RBM19: variants seen among roughly 807,000 people sequenced by gnomAD.
RBM19 encodes the protein probable RNA-binding protein 19.
Under a neutral mutation model 116.8 loss-of-function variants are expected in RBM19, and 94 were observed. That is an observed-to-expected ratio of 0.80 (90% CI 0.68 to 0.95). RBM19 has a LOEUF of 0.95. RBM19 is among the 40% of genes least tolerant of loss of function. The pLI is 0.00. For synonymous variants in RBM19, 475 were observed against 494.1 expected, an observed-to-expected ratio of 0.96 and a Z score of 0.51; for missense variants, 1,161 against 1,220.7, an observed-to-expected ratio of 0.95 and a Z score of 0.73.
intron 5 of RBM19, among the ~76,000 whole-genome samples, chr12:113,958,566 C>G (rs1294315524): frequency 2.0e-5 from 3 of 152,190 alleles, no homozygotes; most frequent in African/African-American, 7.2e-5. Flanking sequence ...TCTCCCCTCC[C>G]CTACCGTGTC....
chr12:113,826,574 G>A (rs937558094), intron 23 of RBM19, among the ~76,000 whole-genome samples: 2 of 152,210 alleles, frequency 1.3e-5, no homozygotes, highest in African/African-American at 4.8e-5. Context: ...GGTCGGGCAT[G>A]GTGGGGAACA....
chr12:113,858,685 G>A, intron 22 of RBM19, 106 bp downstream of exon 22: 1 of 1,036,864 alleles, frequency 9.6e-7, no homozygotes, highest in Non-Finnish European at 1.5e-6. Flanking sequence ...AAGAACACCT[G>A]CATGGGGAGG....
At chr12:113,926,611 C>T (rs909303351) in intron 17 of RBM19, among the ~76,000 whole-genome samples, 40 of 152,124 alleles carry the variant, frequency 2.6e-4, no homozygotes, top group African/African-American at 2.7e-4. Flanking sequence ...CTTTCATCCC[C>T]TTCCCTTTTC....
intron 6 of RBM19, 41 bp from the exon 7 acceptor site, chr12:113,955,252 C>A (rs751692324): frequency 1.3e-6 from 2 of 1,580,906 alleles, no homozygotes; most frequent in Non-Finnish European, 1.7e-6. Flanking sequence ...CCACACTAAC[C>A]CTTCGTACAG....
intron 23 of RBM19, among the ~76,000 whole-genome samples, chr12:113,837,233 C>T (rs969144257): frequency 7.9e-5 from 8 of 101,334 alleles, no homozygotes; most frequent in African/African-American, 2.8e-4. Context: ...AGGCTTATAA[C>T]CCATCCTCCT....
rs370284351 is a variant in RBM19, at chr12:113,959,758, A to G, written c.378+107T>C. The G allele has an allele frequency of 3.4e-4, 460 of 1,344,444 alleles. 2 individuals are homozygous for G. The highest frequency in any genetic ancestry group is 3.2e-3 in the Middle Eastern group (14 of 4,440). 83.3% of individuals were successfully genotyped at this position (1,344,444 alleles called of 1,614,324 possible). A position where few individuals can be genotyped will look rare whatever the true frequency, so the allele number is the denominator to read the frequency against. Reference sequence around the variant, plus strand: ...CTAGCCTCCACCCTCTCCAGCCTCTACGGTCTCCTAGCCTCCACCCTCTCC... The same window carrying G: ...CTAGCCTCCACCCTCTCCAGCCTCTGCGGTCTCCTAGCCTCCACCCTCTCC... On this transcript the variant is annotated intron_variant, in intron 4 of 23. Coordinates refer to ENST00000261741, the MANE Select transcript of RBM19 (RefSeq NM_016196.4).
chr12:113,828,903 G>A (rs559906252), intron 23 of RBM19, among the ~76,000 whole-genome samples: 7 of 152,284 alleles, frequency 4.6e-5, no homozygotes, highest in Admixed American at 1.3e-4. Flanking sequence ...CACACATCAG[G>A]TACGCACAGA....
In RBM19 at chr12:113,948,875, T is replaced by C. The variant is rs1871255675; in HGVS notation, c.1234A>G (p.Thr412Ala). Residue 412 changes from threonine to alanine, a missense_variant, in exon 10 of 24, where the codon ACC (threonine) becomes GCC (alanine). Thr to Ala is a moderately conservative substitution (Grantham distance 58). Transcript: ENST00000261741. ...TTCTCCAGATCCTCCTCGGTGCTGG[T>C]GTAGGGCAGGTTCCGTACAAAGAGC... ...GRLFVRNLPYTSTEEDLEKLF... is the reference protein window; with the variant it reads ...GRLFVRNLPYASTEEDLEKLF... 3.1e-6 allele frequency: 5 copies of C among 1,614,030 alleles called. No individual in the cohort carries two copies. The Admixed American group carries it at 8.3e-5, about 27-fold the overall frequency.
At chr12:113,953,758 T>C (rs1871672549) in intron 7 of RBM19, among the ~76,000 whole-genome samples, 3 of 152,256 alleles carry the variant, frequency 2.0e-5, no homozygotes, top group Admixed American at 6.5e-5. Flanking sequence ...AATATTTATC[T>C]GGAGCAAAGA....
Position 113,844,737 on chromosome 12 carries a change from C to T in RBM19, c.2716G>A (p.Val906Met), listed in dbSNP as rs1876805231. 6.2e-7 allele frequency: 1 copy of T among 1,613,534 alleles called. No individual in the cohort carries two copies. The highest frequency in any genetic ancestry group is 1.3e-5 in the African/African-American group (1 of 74,958). Residue 906 changes from valine to methionine, a missense_variant, in exon 23 of 24, where the codon GTG becomes ATG. Val to Met is a conservative substitution (Grantham distance 21). Coordinates refer to ENST00000261741, the MANE Select transcript of RBM19 (RefSeq NM_016196.4). ...HSTHLYGRRL[V>M]LEWADSEVTL... ...ACCTCGGAGTCGGCCCACTCCAGCACCAGCCTCCGCCCGTACAAGTGGGTG... is the reference window on the plus strand; with the variant it reads ...ACCTCGGAGTCGGCCCACTCCAGCATCAGCCTCCGCCCGTACAAGTGGGTG...
At chr12:113,896,381 A>G (rs1484266755) in intron 21 of RBM19, among the ~76,000 whole-genome samples, 1 of 152,150 alleles carries the variant, frequency 6.6e-6, no homozygotes, top group African/African-American at 2.4e-5. Context: ...GCTCGGGGGC[A>G]TGTCCGCCTT....
At chr12:113,836,557 A>G (rs1875908126) in intron 23 of RBM19, among the ~76,000 whole-genome samples, 1 of 152,064 alleles carries the variant, frequency 6.6e-6, no homozygotes, top group African/African-American at 2.4e-5. Context: ...GAACCTGGAT[A>G]AGCAGAGAGC....
At chr12:113,877,333 G>T (rs1879743445) in intron 21 of RBM19, among the ~76,000 whole-genome samples, 1 of 152,138 alleles carries the variant, frequency 6.6e-6, no homozygotes. Context: ...AGCATTACCT[G>T]CTTGCCAAGT....
chr12:113,886,585 T>G (rs1009192374), intron 21 of RBM19, among the ~76,000 whole-genome samples: 1 of 152,246 alleles, frequency 6.6e-6, no homozygotes, highest in Non-Finnish European at 1.5e-5. Flanking sequence ...CAGCTCTGCA[T>G]AGTCCACCAT....
At chr12:113,849,417 T>C (rs1877271403) in intron 22 of RBM19, among the ~76,000 whole-genome samples, 1 of 152,250 alleles carries the variant, frequency 6.6e-6, no homozygotes, top group Non-Finnish European at 1.5e-5. Flanking sequence ...CAGGGCTGGC[T>C]TAGACGTCCT....
In RBM19 at chr12:113,958,021, C is replaced by T; in HGVS notation, c.601G>A (p.Val201Met). 6.2e-7 allele frequency: 1 copy of T among 1,613,450 alleles called. No homozygotes were observed. The highest frequency in any genetic ancestry group is 8.5e-7 in the Non-Finnish European group (1 of 1,179,650). Residue 201 changes from valine to methionine, a missense_variant, in exon 6 of 24, where the codon GTG (valine) becomes ATG (methionine). Val to Met is a conservative substitution (Grantham distance 21). Coordinates refer to ENST00000261741, the MANE Select transcript of RBM19 (RefSeq NM_016196.4). ...TCCATGTCCGACAGCTCCTTCTGCA[C>T]AGCTGCCTTTGGTTCGAGGCTTGCC... ...EEASLEPKAA[V>M]QKELSDMDYL...
intron 21 of RBM19, among the ~76,000 whole-genome samples, chr12:113,859,495 T>G (rs374257216): frequency 7.9e-5 from 12 of 152,106 alleles, no homozygotes; most frequent in East Asian, 3.8e-4. Context: ...CCTGTGAGCT[T>G]TCATTTCGAT....
At chr12:113,955,859 T>C (rs1289820404) in intron 6 of RBM19, among the ~76,000 whole-genome samples, 2 of 152,168 alleles carry the variant, frequency 1.3e-5, no homozygotes, top group Non-Finnish European at 2.9e-5. Flanking sequence ...GGTGCTGCCT[T>C]TTATCCTGTA....
At chr12:113,954,797 T>G (rs1455360258) in intron 7 of RBM19, among the ~76,000 whole-genome samples, 1 of 152,196 alleles carries the variant, frequency 6.6e-6, no homozygotes, top group Admixed American at 6.5e-5. Context: ...AAGAGCAGGG[T>G]GAGTAGTCAC....
Sources: allele counts gnomAD v4.1 joint callset (sites outside exome capture counted in the v4.1 genomes callset), GRCh38; gene constraint gnomAD v4.1.1; transcripts MANE v1.5; gene names NCBI Gene and HGNC (gene_info 2026-07-23, HGNC 2026-07-21).